The following KLHL29 variants were observed in gnomAD, a reference collection of about 807,000 sequenced individuals.
KLHL29 encodes the protein kelch like family member 29.
In KLHL29, 21 loss-of-function variants were observed where a neutral mutation model predicts 80.4. The observed-to-expected ratio is 0.26, with a 90% CI of 0.19 to 0.38. KLHL29 has a LOEUF of 0.38. KLHL29 is among the 10% of genes least tolerant of loss of function. The pLI, the probability that KLHL29 is intolerant of heterozygous loss-of-function variation, is 1.00. For missense variants in KLHL29, 867 were observed against 1,223.9 expected (o/e 0.71, Z 4.35); for synonymous variants, 511 against 526.8 (o/e 0.97, Z 0.41).
chr2:23,636,160 T>C (rs1669602506), intron 3 of KLHL29, among the ~76,000 whole-genome samples: 1 of 152,166 alleles, frequency 6.6e-6, no homozygotes, highest in Admixed American at 6.5e-5. Context: ...GAGGGGCCTC[T>C]AGTCAGGCCG....
At chr2:23,442,040 G>C (rs1381127456) in intron 1 of KLHL29, among the ~76,000 whole-genome samples, 1 of 152,130 alleles carries the variant, frequency 6.6e-6, no homozygotes, top group Non-Finnish European at 1.5e-5. Flanking sequence ...TTAGGCTCTT[G>C]AGGTGGAGAA....
intron 1 of KLHL29, among the ~76,000 whole-genome samples, chr2:23,454,793 A>AT (rs11395788): frequency 0.19 from 29,212 of 150,578 alleles, 4,054 homozygotes; most frequent in African/African-American, 0.39. Flanking sequence ...TTCCTCAATG[A>AT]TTTTTTTTTA....
At chr2:23,526,048 T>C (rs1046511824) in intron 2 of KLHL29, among the ~76,000 whole-genome samples, 2 of 152,176 alleles carry the variant, frequency 1.3e-5, no homozygotes, top group African/African-American at 2.4e-5. Context: ...ATGTTTGCCC[T>C]CCTCTGCTTC....
At chr2:23,566,936 T>C (rs2103500150) in intron 3 of KLHL29, among the ~76,000 whole-genome samples, 1 of 152,342 alleles carries the variant, frequency 6.6e-6, no homozygotes, top group Non-Finnish European at 1.5e-5. Context: ...TGGTTGGTGC[T>C]GGAGGCTGAA....
chr2:23,511,618 A>G (rs920921985), intron 2 of KLHL29, among the ~76,000 whole-genome samples: 6 of 152,216 alleles, frequency 3.9e-5, no homozygotes, highest in Non-Finnish European at 2.9e-5. Context: ...CTCAGCGTTG[A>G]GAGTATCTTT....
At chr2:23,656,855 T>C (rs1470729542) in intron 5 of KLHL29, among the ~76,000 whole-genome samples, 1 of 151,744 alleles carries the variant, frequency 6.6e-6, no homozygotes, top group Non-Finnish European at 1.5e-5. Flanking sequence ...TAAGAAGGGC[T>C]TGGCCCTCCC....
At chr2:23,593,327 G>C (rs1668314620) in intron 3 of KLHL29, among the ~76,000 whole-genome samples, 1 of 152,218 alleles carries the variant, frequency 6.6e-6, no homozygotes, top group African/African-American at 2.4e-5. Flanking sequence ...GACACTGGAA[G>C]GTTTGGGTTG....
At chr2:23,600,806 G>A (rs541375237) in intron 3 of KLHL29, among the ~76,000 whole-genome samples, 1 of 152,146 alleles carries the variant, frequency 6.6e-6, no homozygotes, top group South Asian at 2.1e-4. Flanking sequence ...TCCACCCTTC[G>A]CCTCTGATCA....
intron 1 of KLHL29, among the ~76,000 whole-genome samples, chr2:23,466,985 G>A (rs376472579): frequency 1.3e-5 from 2 of 152,234 alleles, no homozygotes; most frequent in East Asian, 3.9e-4. Context: ...GAAGCCCCGG[G>A]TCTCATCCCA....
chr2:23,650,786 C>T (rs1670068324), intron 5 of KLHL29, among the ~76,000 whole-genome samples: 2 of 152,160 alleles, frequency 1.3e-5, no homozygotes. Flanking sequence ...AAACATCTGG[C>T]ATCTGCTGTT....
intron 2 of KLHL29, among the ~76,000 whole-genome samples, chr2:23,524,658 G>C (rs371741996): frequency 1.3e-5 from 2 of 152,220 alleles, no homozygotes; most frequent in Non-Finnish European, 2.9e-5. Flanking sequence ...CCTCTGATTC[G>C]ATCTGTTCCG....
At chr2:23,548,292 AACAC>A (rs72398298) in intron 2 of KLHL29, among the ~76,000 whole-genome samples, 3,939 of 150,816 alleles carry the variant, frequency 0.026, 172 homozygotes, top group African/African-American at 0.089. Flanking sequence ...CACACACACA[AACAC>A]ACACAGGCAC....
chr2:23,434,796 G>A (rs1663291459), intron 1 of KLHL29, among the ~76,000 whole-genome samples: 1 of 152,060 alleles, frequency 6.6e-6, no homozygotes, highest in Admixed American at 6.6e-5. Flanking sequence ...GGTTCTCCTC[G>A]GGGCCCGTGG....
At chr2:23,505,276 C>T (rs1392043463) in intron 2 of KLHL29, among the ~76,000 whole-genome samples, 1 of 152,192 alleles carries the variant, frequency 6.6e-6, no homozygotes, top group Non-Finnish European at 1.5e-5. Flanking sequence ...AGGCCTTGTC[C>T]TGGCAAGCTG....
At chr2:23,494,960 A>G (rs1665214557) in intron 2 of KLHL29, among the ~76,000 whole-genome samples, 1 of 151,186 alleles carries the variant, frequency 6.6e-6, no homozygotes. Flanking sequence ...TCTCCTTCCC[A>G]CTCACCCAGC....
At position 23,514,597 on chromosome 2, in the gene KLHL29, C is replaced by A. The variant is rs1045976660; in HGVS notation, c.-46+38930C>A. ...CAGAATTCTTTGGCACCTCTGTCTG[C>A]AAATTTGAGAAGCAGCCACTTGACC... is the stretch of plus-strand genomic sequence containing the variant. On this transcript the variant is annotated intron_variant, in intron 2 of 13. Coordinates refer to ENST00000486442, the MANE Select transcript of KLHL29 (RefSeq NM_052920.2). Among the ~76,000 whole-genome samples, 3 of 152,208 alleles carry A rather than the reference C, an allele frequency of 2.0e-5. No individual in the cohort carries two copies. The South Asian group carries it at 6.2e-4, about 32-fold the overall frequency.
At chr2:23,519,302 C>G (rs1372449597) in intron 2 of KLHL29, among the ~76,000 whole-genome samples, 1 of 152,142 alleles carries the variant, frequency 6.6e-6, no homozygotes, top group African/African-American at 2.4e-5. Flanking sequence ...TGGCAATACC[C>G]CAGGGTCCCA....
chr2:23,517,094 G>A (rs1044979448), intron 2 of KLHL29, among the ~76,000 whole-genome samples: 4 of 152,214 alleles, frequency 2.6e-5, no homozygotes, highest in African/African-American at 7.2e-5. Context: ...GAGAGGTTTC[G>A]TGCAGAAAGC....
intron 6 of KLHL29, chr2:23,691,389 G>A: frequency 2.1e-6 from 1 of 474,104 alleles, no homozygotes; most frequent in Non-Finnish European, 3.9e-6. Context: ...GCCAGTCCTG[G>A]TCCTCGTCCC....
Sources: gnomAD v4.1 joint callset for allele counts (sites outside exome capture counted in the v4.1 genomes callset) on GRCh38, gnomAD v4.1.1 for gene constraint, MANE v1.5 for transcripts, NCBI Gene and HGNC (gene_info 2026-07-23, HGNC 2026-07-21) for gene names.